The following ATP12A variants were observed in gnomAD, a reference collection of about 807,000 sequenced individuals.
The protein encoded by ATP12A is ATPase H+/K+ transporting non-gastric alpha2 subunit.
In ATP12A, 81 loss-of-function variants were observed where a neutral mutation model predicts 111.2. The ratio of observed to expected loss-of-function variants is 0.73; its 90% CI spans 0.61 to 0.88. The LOEUF (loss-of-function observed/expected upper bound fraction) is 0.88. ATP12A is among the 40% of genes least tolerant of loss of function. The pLI, the probability that ATP12A is intolerant of heterozygous loss-of-function variation, is 0.00. For missense variants in ATP12A, 1,196 were observed against 1,313.1 expected (o/e 0.91, Z 1.38); for synonymous variants, 498 against 499.8 (o/e 1.00, Z 0.05).
At position 24,692,826 on chromosome 13, in the gene ATP12A, T is replaced by C; in HGVS notation, c.1307T>C (p.Leu436Ser). Residue 436 changes from leucine (L) to serine (S), a missense_variant, in exon 10 of 23, where the codon TTA (leucine) becomes TCA (serine). Around this residue, in one of 3 missense-constraint regions of ATP12A, gnomAD observed 1,126 missense variants for 1,228.5 expected, o/e 0.92. Coordinates refer to ENST00000381946, the MANE Select transcript of ATP12A (RefSeq NM_001676.7). ...FDQSSRTWAS[L>S]SKIITLCNRA... ...CAAAGCTCTAGGACTTGGGCCTCCTTATCCAAGATAATAACATTGTGTAAC... is the reference window on the plus strand; with the variant it reads ...CAAAGCTCTAGGACTTGGGCCTCCTCATCCAAGATAATAACATTGTGTAAC... The C allele has an allele frequency of 2.5e-6, 4 of 1,614,190 alleles. No homozygotes were observed. Among genetic ancestry groups the C allele is most frequent in the Non-Finnish European group, 3.4e-6 (4 of 1,180,036 alleles).
At chr13:24,691,649 T>A (rs1207366997) in intron 8 of ATP12A, among the ~76,000 whole-genome samples, 2 of 145,674 alleles carry the variant, frequency 1.4e-5, no homozygotes, top group South Asian at 2.2e-4. Flanking sequence ...AAAAAAAAAA[T>A]TCCTCCCATT....
At position 24,690,412 on chromosome 13, in the gene ATP12A, G is replaced by C. The variant is rs770108143; in HGVS notation, c.621G>C (p.Glu207Asp). ...SEQLVVGDIVEVKGGDQIPAD... is the reference protein window; with the variant it reads ...SEQLVVGDIVDVKGGDQIPAD... ...AGCTGGTGGTGGGGGACATTGTGGA[G>C]GTCAAAGGAGGAGACCAGATCCCTG... The change falls in exon 6 of 23, where the codon GAG becomes GAC. Residue 207 changes from glutamate (E) to aspartate (D), a missense_variant. Glu to Asp is a conservative substitution (Grantham distance 45). Around this residue, in one of 3 missense-constraint regions of ATP12A, gnomAD observed 1,126 missense variants for 1,228.5 expected, o/e 0.92. Coordinates refer to ENST00000381946, the MANE Select transcript of ATP12A (RefSeq NM_001676.7). 5 of 1,613,434 alleles carry C rather than the reference G, an allele frequency of 3.1e-6. No homozygotes were observed. In the East Asian group the frequency reaches 6.7e-5, roughly 22 times the overall value.
intron 17 of ATP12A, among the ~76,000 whole-genome samples, chr13:24,707,794 T>G (rs1875737238): frequency 6.6e-6 from 1 of 152,214 alleles, no homozygotes; most frequent in South Asian, 2.1e-4. Context: ...TTCTTCCACC[T>G]CAGCCTCCCA....
chr13:24,692,609 A>G lies in ATP12A; in HGVS notation c.1249A>G (p.Thr417Ala). ...CGACAATCAGATCTTTGTGGCTGAC[A>G]CCAGTGAGGACCATTCAAGTAAGTC... is the stretch of plus-strand genomic sequence containing the variant. ...WFDNQIFVAD[T>A]SEDHSNQVFD... The change falls in exon 9 of 23, where the codon ACC (threonine) becomes GCC (alanine). Residue 417 changes from threonine to alanine, a missense_variant. Transcript: ENST00000381946. The G allele has an allele frequency of 6.2e-7, 1 of 1,613,492 alleles. No individual in the cohort carries two copies. The highest frequency in any genetic ancestry group is 8.5e-7 in the Non-Finnish European group (1 of 1,179,446).
chr13:24,709,588 G>C, intron 18 of ATP12A, 95 bp from the exon 19 acceptor site: 3 of 1,594,222 alleles, frequency 1.9e-6, no homozygotes, highest in Non-Finnish European at 2.6e-6. Flanking sequence ...TGTGGGGCCT[G>C]GGTTGGGGAG....
At chr13:24,708,842 GAGAA>G (rs1448317425) in intron 17 of ATP12A, among the ~76,000 whole-genome samples, 1 of 145,638 alleles carries the variant, frequency 6.9e-6, no homozygotes, top group Non-Finnish European at 1.5e-5. Context: ...GAAAGAAAGA[GAGAA>G]AGAGAGAGAG....
intron 12 of ATP12A, among the ~76,000 whole-genome samples, chr13:24,699,752 G>A (rs79739832): frequency 0.025 from 3,746 of 152,266 alleles, 155 homozygotes; most frequent in African/African-American, 0.085. Context: ...CCTGTTGTCA[G>A]CACCAGGGCT....
At chr13:24,709,540 A>G in intron 18 of ATP12A, 53 bp downstream of exon 18, 1 of 1,601,474 alleles carries the variant, frequency 6.2e-7, no homozygotes. Context: ...CCGAGAATTC[A>G]CTGGAGTGGG....
In ATP12A at chr13:24,698,921, G is replaced by A. The variant is rs893702547; in HGVS notation, c.1705+71G>A. 1.2e-5 allele frequency: 18 copies of A among 1,555,552 alleles called. No individual in the cohort carries two copies. In the African/African-American group the frequency reaches 2.3e-4, roughly 20 times the overall value. The stretch of plus-strand genomic sequence containing the variant: ...GATGAGGCAGGCGCCTTGAGGACCT[G>A]TGACCTAGCCCAGTGGCCATGGCAT... On this transcript the variant is annotated intron_variant, in intron 12 of 22. Coordinates refer to ENST00000381946, the MANE Select transcript of ATP12A (RefSeq NM_001676.7).
Position 24,700,809 on chromosome 13 carries a change from G to T in ATP12A, c.1768G>T (p.Ala590Ser). ...FPETYSFDID[A>S]MNFPTSNLCF... Reference sequence around the variant, plus strand: ...AGAAACCTACTCATTTGACATAGACGCTATGAACTTTCCGACCTCCAACCT... The same window carrying T: ...AGAAACCTACTCATTTGACATAGACTCTATGAACTTTCCGACCTCCAACCT... The change falls in exon 13 of 23, where the codon GCT (alanine) becomes TCT (serine). Residue 590 changes from alanine to serine, a missense_variant. Ala to Ser is a moderately conservative substitution (Grantham distance 99, BLOSUM62 1). This residue lies in a region of ATP12A where 1,126 missense variants were observed against 1,228.5 expected (regional missense o/e 0.92). Transcript: ENST00000381946. 2 of 1,614,022 alleles carry T rather than the reference G, an allele frequency of 1.2e-6. No homozygotes were observed. The highest frequency in any genetic ancestry group is 8.5e-7 in the Non-Finnish European group (1 of 1,180,028).
Position 24,682,959 on chromosome 13 carries a change from C to CTTTTTTTTT in ATP12A, c.168+1245_168+1253dup, listed in dbSNP as rs34361489. Among the ~76,000 whole-genome samples the CTTTTTTTTT allele has an allele frequency of 5.6e-4, 78 of 139,044 alleles. 1 individual carries two copies. Among genetic ancestry groups the CTTTTTTTTT allele is most frequent in the African/African-American group, 1.9e-3 (72 of 37,576 alleles). The allele number at this position is 139,044 out of a possible 152,430, so 91.2% of individuals were successfully genotyped here. On this transcript the variant is annotated intron_variant, in intron 2 of 22. Transcript: ENST00000381946. ...GAGCTCTGGAGTTATTAAAACTAGC[C>CTTTTTTTTT]TTTTTTTTTTTTTTGAGACAGAGTT... is the stretch of plus-strand genomic sequence containing the variant.
Position 24,711,536 on chromosome 13 carries a change from C to A in ATP12A, c.*14C>A. Reference sequence around the variant, plus strand: ...ATGTATTATTAAGACCACCTCCCTTCCTATGTCTCTCAGCAGCACGTTGGG... The same window carrying A: ...ATGTATTATTAAGACCACCTCCCTTACTATGTCTCTCAGCAGCACGTTGGG... On this transcript the variant is annotated 3_prime_UTR_variant, in exon 23 of 23. Coordinates refer to ENST00000381946, the MANE Select transcript of ATP12A (RefSeq NM_001676.7). The A allele has an allele frequency of 6.2e-7, 1 of 1,614,138 alleles. No individual in the cohort carries two copies.
rs768273112 is a variant in ATP12A at position 24,694,521 on chromosome 13, T to C, written c.1455T>C (p.Ile485=). 3 of 1,614,034 alleles carry C rather than the reference T, an allele frequency of 1.9e-6. No individual in the cohort carries two copies. The highest frequency in any genetic ancestry group is 2.5e-6 in the Non-Finnish European group (3 of 1,180,042). The stretch of plus-strand genomic sequence containing the variant: ...TCATTTTGGGTGATGTGATGGAAAT[T>C]AGAAAAAGAAACCGCAAAGTAGCTG... ...SEVILGDVME[I]RKRNRKVAEI... is the part of the protein sequence containing the mutation. Residue 485 remains isoleucine (I), a synonymous_variant, in exon 11 of 23, where the codon ATT becomes ATC. Transcript: ENST00000381946.
At chr13:24,699,238 A>G (rs28651458) in intron 12 of ATP12A, among the ~76,000 whole-genome samples, 27 of 152,176 alleles carry the variant, frequency 1.8e-4, no homozygotes, top group Non-Finnish European at 2.2e-4. Context: ...ACAGGGTTCA[A>G]GGGCTGGACT....
intron 15 of ATP12A, among the ~76,000 whole-genome samples, chr13:24,706,771 C>CA (rs1875668289): frequency 6.6e-6 from 1 of 152,144 alleles, no homozygotes; most frequent in Admixed American, 6.5e-5. Context: ...AGATTTAAAA[C>CA]AAAAAATGTG....
At position 24,707,155 on chromosome 13, in the gene ATP12A, G is replaced by A. The variant is rs576503452; in HGVS notation, c.2302G>A (p.Asp768Asn). 9 of 1,614,106 alleles carry A rather than the reference G, an allele frequency of 5.6e-6. No individual in the cohort carries two copies. The highest frequency in any genetic ancestry group is 4.0e-5 in the African/African-American group (3 of 75,042). The change falls in exon 16 of 23, where the codon GAC (aspartate) becomes AAC (asparagine). Residue 768 changes from aspartate to asparagine, a missense_variant. Around this residue, in one of 3 missense-constraint regions of ATP12A, gnomAD observed 1,126 missense variants for 1,228.5 expected, o/e 0.92. Transcript: ENST00000381946. ...TGCAGCCGACATGGTCTTGCTGGAC[G>A]ACAACTTCGCATCCATCGTCACAGG... Reference protein sequence around the residue: ...KNAADMVLLDDNFASIVTGVE... With the variant: ...KNAADMVLLDNNFASIVTGVE...
At chr13:24,698,927 T>C in intron 12 of ATP12A, 77 bp downstream of exon 12, 1 of 1,522,886 alleles carries the variant, frequency 6.6e-7, no homozygotes, top group Non-Finnish European at 8.9e-7. Context: ...ACCTGTGACC[T>C]AGCCCAGTGG....
chr13:24,694,967 G>C (rs74647871), intron 11 of ATP12A, among the ~76,000 whole-genome samples: 6,598 of 152,238 alleles, frequency 0.043, 263 homozygotes, highest in East Asian at 0.19. Context: ...TGGGCAGCAG[G>C]GAGGCCGAAC....
At position 24,701,981 on chromosome 13, in the gene ATP12A, C is replaced by G. The variant is rs376193788; in HGVS notation, c.1928C>G (p.Ala643Gly). ...GDHPITAKAI[A>G]KSVGIISANS... Reference sequence around the variant, plus strand: ...CATCCCATCACAGCCAAAGCTATTGCCAAGAGTGTGGGGATCATTTCAGCC... The same window carrying G: ...CATCCCATCACAGCCAAAGCTATTGGCAAGAGTGTGGGGATCATTTCAGCC... Residue 643 changes from alanine (A) to glycine (G), a missense_variant, in exon 14 of 23, where the codon GCC becomes GGC. This residue lies in a region of ATP12A where 1,126 missense variants were observed against 1,228.5 expected (regional missense o/e 0.92). Transcript: ENST00000381946. 1.9e-5 allele frequency: 31 copies of G among 1,614,088 alleles called. No homozygotes were observed. The highest frequency in any genetic ancestry group is 2.5e-5 in the Non-Finnish European group (29 of 1,180,044).
Sources: allele counts gnomAD v4.1 joint callset (sites outside exome capture counted in the v4.1 genomes callset), GRCh38; gene constraint gnomAD v4.1.1; regional missense constraint gnomAD v4.1.1; transcripts MANE v1.5; gene names NCBI Gene and HGNC (gene_info 2026-07-23, HGNC 2026-07-21).